Variants in UTP20 observed in about 807,000 individuals in gnomAD.
The protein encoded by UTP20 is UTP20 small subunit processome component, also known as small subunit processome component 20 homolog.
Under a neutral mutation model 329.5 loss-of-function variants are expected in UTP20, and 164 were observed. The observed-to-expected ratio is 0.50, with a 90% CI of 0.44 to 0.57. UTP20 has a LOEUF of 0.57. UTP20 is among the 20% of genes least tolerant of loss of function. The pLI is 0.00. For missense variants in UTP20, 3,055 were observed against 3,284.2 expected (o/e 0.93, Z 1.71); for synonymous variants, 1,151 against 1,159.3 (o/e 0.99, Z 0.14).
At chr12:101,308,540 G>A (rs949193328) in intron 18 of UTP20, among the ~76,000 whole-genome samples, 197 bp downstream of exon 18, 18 of 151,962 alleles carry the variant, frequency 1.2e-4, no homozygotes, top group African/African-American at 4.1e-4. Flanking sequence ...GAATAATTTA[G>A]TATTCTCTGT....
Position 101,356,565 on chromosome 12 carries a change from A to G in UTP20, c.5406A>G (p.Glu1802=), listed in dbSNP as rs147523137. ...HKCLASTTKR[E]EEHKLVKSKV... is the part of the protein sequence containing the mutation. ...AATTTTTCTTACAGACTAAAAGGGA[A>G]GAAGAACACAAGCTTGTCAAGTCAA... is the stretch of plus-strand genomic sequence containing the variant. Residue 1802 remains glutamate (E), a synonymous_variant, in exon 42 of 62, where the codon GAA becomes GAG. Coordinates refer to ENST00000261637, the MANE Select transcript of UTP20 (RefSeq NM_014503.3). The G allele has an allele frequency of 3.0e-4, 477 of 1,610,900 alleles. 2 individuals carry two copies. The African/African-American group carries it at 5.7e-3, about 19-fold the overall frequency.
chr12:101,356,724 G>A (rs1869735686), intron 42 of UTP20, 31 bp downstream of exon 42: 2 of 1,582,826 alleles, frequency 1.3e-6, no homozygotes, highest in East Asian at 2.2e-5. Context: ...GAAGTTTAGT[G>A]AAACTCAAAA....
In UTP20 at chr12:101,286,432, A is replaced by C. The variant is rs145256826; in HGVS notation, c.438A>C (p.Glu146Asp). The C allele has an allele frequency of 1.7e-5, 27 of 1,613,918 alleles. No individual in the cohort carries two copies. The highest frequency in any genetic ancestry group is 1.8e-5 in the Non-Finnish European group (21 of 1,179,982). ...AGACTCAGGACACAGAGTTGTTAGAATGGGCTTTCACCTCGTTATCATATC... is the reference window on the plus strand; with the variant it reads ...AGACTCAGGACACAGAGTTGTTAGACTGGGCTTTCACCTCGTTATCATATC... ...ILETQDTELL[E>D]WAFTSLSYLY... Residue 146 changes from glutamate to aspartate, a missense_variant, in exon 5 of 62, where the codon GAA becomes GAC. Around this residue, in one of 3 missense-constraint regions of UTP20, gnomAD observed 2,445 missense variants for 2,575.5 expected, o/e 0.95. Transcript: ENST00000261637.
intron 17 of UTP20, among the ~76,000 whole-genome samples, chr12:101,307,460 T>G (rs898254366): frequency 3.3e-5 from 5 of 152,094 alleles, no homozygotes; most frequent in Non-Finnish European, 7.4e-5. Flanking sequence ...CACTGCAGTC[T>G]CCACCTCCCC....
At chr12:101,313,900 T>G (rs979368522) in intron 21 of UTP20, among the ~76,000 whole-genome samples, 3 of 152,106 alleles carry the variant, frequency 2.0e-5, no homozygotes, top group African/African-American at 7.2e-5. Flanking sequence ...TGTTTTAAGT[T>G]TAGGACACTG....
At chr12:101,373,499 G>C in intron 53 of UTP20, 29 bp downstream of exon 53, 2 of 1,614,028 alleles carry the variant, frequency 1.2e-6, no homozygotes, top group Non-Finnish European at 1.7e-6. Flanking sequence ...TAAGCCCCGT[G>C]ACTCCTGGAA....
intron 29 of UTP20, among the ~76,000 whole-genome samples, chr12:101,335,896 G>A (rs548057240): frequency 1.3e-5 from 2 of 152,078 alleles, no homozygotes; most frequent in African/African-American, 4.8e-5. Flanking sequence ...ATTTGTAAGC[G>A]ACACTTCATA....
chr12:101,314,519 G>C (rs1165759865), intron 21 of UTP20, among the ~76,000 whole-genome samples: 8 of 151,950 alleles, frequency 5.3e-5, no homozygotes, highest in Non-Finnish European at 7.4e-5. Context: ...TTAGCTAGGC[G>C]TGGTGGTGGG....
chr12:101,363,201 T>G (rs923674418), intron 44 of UTP20, among the ~76,000 whole-genome samples: 1 of 152,178 alleles, frequency 6.6e-6, no homozygotes, highest in Non-Finnish European at 1.5e-5. Context: ...ATAATTAGAA[T>G]GTAAATAATT....
intron 49 of UTP20, among the ~76,000 whole-genome samples, 172 bp from the exon 50 acceptor site, chr12:101,370,260 C>T (rs576951457): frequency 2.4e-4 from 36 of 152,248 alleles, no homozygotes; most frequent in African/African-American, 7.9e-4. Flanking sequence ...TAGTTTTCCC[C>T]ATTGCCCTTT....
chr12:101,286,449 T>C lies in UTP20; in HGVS notation c.455T>C (p.Leu152Ser), dbSNP rs756451766. ...TTGTTAGAATGGGCTTTCACCTCGT[T>C]ATCATATCTTTATAAGTACCTGTGG... The part of the protein sequence containing the change: ...TELLEWAFTS[L>S]SYLYKYLWRL... Residue 152 changes from leucine (L) to serine (S), a missense_variant, in exon 5 of 62, where the codon TTA becomes TCA. Around this residue, in one of 3 missense-constraint regions of UTP20, gnomAD observed 2,445 missense variants for 2,575.5 expected, o/e 0.95. Coordinates refer to ENST00000261637, the MANE Select transcript of UTP20 (RefSeq NM_014503.3). The C allele has an allele frequency of 9.9e-6, 16 of 1,613,920 alleles. No individual in the cohort carries two copies. Among genetic ancestry groups the C allele is most frequent in the Non-Finnish European group, 1.4e-5 (16 of 1,179,980 alleles).
chr12:101,313,689 C>T lies in UTP20; in HGVS notation c.2552+1413C>T, dbSNP rs143295203. Reference sequence around the variant, plus strand: ...CAACTAGATCAGCCTGTGAGATTTGCCAGCAGATCAGATGTGGGACGGGTG... The same window carrying T: ...CAACTAGATCAGCCTGTGAGATTTGTCAGCAGATCAGATGTGGGACGGGTG... On this transcript the variant is annotated intron_variant, in intron 21 of 61. Transcript: ENST00000261637. Among the ~76,000 whole-genome samples the T allele has an allele frequency of 8.7e-4, 131 of 151,356 alleles. 1 individual carries two copies. Among genetic ancestry groups the T allele is most frequent in the African/African-American group, 3.0e-3 (124 of 41,228 alleles).
chr12:101,303,061 A>G (rs1444907707), intron 15 of UTP20, among the ~76,000 whole-genome samples: 1 of 152,316 alleles, frequency 6.6e-6, no homozygotes, highest in East Asian at 1.9e-4. Flanking sequence ...GCACAGAGCC[A>G]TTTGAGAGGA....
chr12:101,342,895 G>T, intron 34 of UTP20, 46 bp from the exon 35 acceptor site: 1 of 1,609,712 alleles, frequency 6.2e-7, no homozygotes, highest in East Asian at 2.2e-5. Flanking sequence ...GTTTACTGAA[G>T]ATTTATATGC....
At chr12:101,337,984 T>G (rs1234677527) in intron 29 of UTP20, 67 bp from the exon 30 acceptor site, 1 of 1,407,234 alleles carries the variant, frequency 7.1e-7, no homozygotes, top group Non-Finnish European at 9.9e-7. Context: ...TGAAAATTCA[T>G]ATGGACATGT....
At chr12:101,357,107 T>G in intron 43 of UTP20, 25 bp downstream of exon 43, 1 of 1,590,074 alleles carries the variant, frequency 6.3e-7, no homozygotes, top group South Asian at 1.1e-5. Flanking sequence ...GTGCTTTATA[T>G]TCAAGTTGTA....
At chr12:101,341,403 C>T (rs1446524236) in intron 32 of UTP20, among the ~76,000 whole-genome samples, 1 of 152,160 alleles carries the variant, frequency 6.6e-6, no homozygotes, top group Non-Finnish European at 1.5e-5. Flanking sequence ...AATTAGGAGT[C>T]CTCCAGTGGC....
At chr12:101,361,195 G>T (rs1869901820) in intron 43 of UTP20, among the ~76,000 whole-genome samples, 1 of 152,176 alleles carries the variant, frequency 6.6e-6, no homozygotes, top group African/African-American at 2.4e-5. Context: ...CCTGTAGTAA[G>T]CTCTCAGAAA....
intron 15 of UTP20, among the ~76,000 whole-genome samples, chr12:101,304,521 C>T (rs945840386): frequency 2.6e-5 from 4 of 152,192 alleles, no homozygotes; most frequent in South Asian, 2.1e-4. Flanking sequence ...TCCTTTCTTC[C>T]GCTCTTGCCC....
Sources: gnomAD v4.1 joint callset for allele counts (sites outside exome capture counted in the v4.1 genomes callset) on GRCh38, gnomAD v4.1.1 for gene constraint, gnomAD v4.1.1 regional missense constraint, MANE v1.5 for transcripts, NCBI Gene and HGNC (gene_info 2026-07-23, HGNC 2026-07-21) for gene names.